FANCD2: variants seen among roughly 807,000 people sequenced by gnomAD.
The protein encoded by FANCD2 is Fanconi anemia group D2 protein.
In FANCD2, 131 loss-of-function variants were observed where a neutral mutation model predicts 192.3. The ratio of observed to expected loss-of-function variants is 0.68; its 90% CI spans 0.59 to 0.79. The LOEUF is 0.79. Among genes scored for constraint, FANCD2 ranks in the 30% least tolerant of loss-of-function variants. FANCD2 has a pLI of 0.00. For synonymous variants in FANCD2, 524 were observed against 612.5 expected (o/e 0.86, Z 2.13); for missense variants, 1,508 against 1,701.6 (o/e 0.89, Z 2.00).
intron 18 of FANCD2, 82 bp downstream of exon 18, chr3:10,052,579 C>T (rs1004535512): frequency 3.6e-5 from 33 of 927,118 alleles, no homozygotes; most frequent in Non-Finnish European, 5.4e-5. Flanking sequence ...GTGCAGTTGG[C>T]ACGATCTCAG....
At chr3:10,093,116 G>A (rs1239580866) in intron 38 of FANCD2, among the ~76,000 whole-genome samples, 169 bp from the exon 39 acceptor site, 1 of 152,196 alleles carries the variant, frequency 6.6e-6, no homozygotes, top group Non-Finnish European at 1.5e-5. Flanking sequence ...TTGAACTTCA[G>A]TTGTGATAAT....
At chr3:10,031,243 C>T (rs1017160194) in intron 2 of FANCD2, among the ~76,000 whole-genome samples, 2 of 152,112 alleles carry the variant, frequency 1.3e-5, no homozygotes, top group Non-Finnish European at 2.9e-5. Flanking sequence ...GTGGCTCACG[C>T]CTGTAATCCC....
intron 9 of FANCD2, chr3:10,040,117 C>G: frequency 2.3e-6 from 1 of 437,972 alleles, no homozygotes; most frequent in East Asian, 4.0e-5. Context: ...TCACTGCAAC[C>G]TCCGCCTCCT....
At chr3:10,079,928 T>G (rs917224088) in intron 30 of FANCD2, among the ~76,000 whole-genome samples, 1 of 152,056 alleles carries the variant, frequency 6.6e-6, no homozygotes, top group Admixed American at 6.6e-5. Flanking sequence ...CTTCTTTTTT[T>G]TTTTTGAGGC....
chr3:10,069,569 C>G lies in FANCD2; in HGVS notation c.2494+2252C>G, dbSNP rs1318960526. Among the ~76,000 whole-genome samples the G allele has an allele frequency of 2.0e-5, 3 of 149,368 alleles. No homozygotes were observed. The East Asian group carries it at 6.2e-4, about 31-fold the overall frequency. ...CTCACTGCAACCTCCCTGCCTGATT[C>G]TCCTGCCTCAGCCTGCCGAGTGCCT... is the stretch of plus-strand genomic sequence containing the variant. On this transcript the variant is annotated intron_variant, in intron 26 of 43. Transcript: ENST00000675286.
In FANCD2 at chr3:10,040,257, C is replaced by T. The variant is rs557425572; in HGVS notation, c.695+412C>T. 1.6e-3 allele frequency: 529 copies of T among 324,796 alleles called. 7 individuals carry two copies. Among genetic ancestry groups the T allele is most frequent in the South Asian group, 0.013 (502 of 38,882 alleles). The allele number at this position is 324,796 out of a possible 1,614,324, so 20.1% of individuals were successfully genotyped here. Reference sequence around the variant, plus strand: ...TTCACCATGTTAGCCAGGATGGTCTCGATCTCCTGACCTTGTGATCCGCCC... The same window carrying T: ...TTCACCATGTTAGCCAGGATGGTCTTGATCTCCTGACCTTGTGATCCGCCC... On this transcript the variant is annotated intron_variant, in intron 9 of 43. Transcript: ENST00000675286.
At position 10,063,826 on chromosome 3, in the gene FANCD2, G is replaced by A. The variant is rs946210986; in HGVS notation, c.1862G>A (p.Ser621Asn). 3 of 1,614,176 alleles carry A rather than the reference G, an allele frequency of 1.9e-6. No individual in the cohort carries two copies. The highest frequency in any genetic ancestry group is 4.5e-5 in the East Asian group (2 of 44,890). ...TTGTTGCAGTTGGTTCATTCCTGCA[G>A]TGAGCAGTCTCCTCAGGCCTCTGCA... Reference protein sequence around the residue: ...TSLLQLVHSCSEQSPQASALY... With the variant: ...TSLLQLVHSCNEQSPQASALY... The change falls in exon 21 of 44, where the codon AGT becomes AAT. Residue 621 changes from serine (S) to asparagine (N), a missense_variant. Coordinates refer to ENST00000675286, the MANE Select transcript of FANCD2 (RefSeq NM_001018115.3).
At position 10,088,837 on chromosome 3, in the gene FANCD2, G is replaced by A; in HGVS notation, c.3570G>A (p.Leu1190=). 1 of 1,614,052 alleles carries A rather than the reference G, an allele frequency of 6.2e-7. No homozygotes were observed. The highest frequency in any genetic ancestry group is 8.5e-7 in the Non-Finnish European group (1 of 1,179,954). ...TTGACTCTCAATGCAGTATCTACCT[G>A]GAGCACACAGAGAGCATTCTGAAGG... The part of the protein sequence containing the change: ...DQLHALLCIY[L]EHTESILKAI... Residue 1190 remains leucine, a synonymous_variant, in exon 36 of 44, where the codon CTG becomes CTA. Transcript: ENST00000675286.
rs1694964979 is a variant in FANCD2 at position 10,096,374 on chromosome 3, A to T, written c.4087A>T (p.Thr1363Ser). 2 of 1,614,124 alleles carry T rather than the reference A, an allele frequency of 1.2e-6. No homozygotes were observed. The highest frequency in any genetic ancestry group is 3.3e-5 in the Admixed American group (2 of 60,024). ...LTQHVPLLKK[T>S]LELLVCRVKA... ...CCAACATGTGCCTCTGCTCAAAAAG[A>T]CCCTGGAACTTTTAGTTTGCAGAGT... Residue 1363 changes from threonine to serine, a missense_variant, in exon 42 of 44, where the codon ACC becomes TCC. This residue lies in a region of FANCD2 where 796 missense variants were observed against 879.4 expected (regional missense o/e 0.91). Transcript: ENST00000675286.
rs751263095 is a variant in FANCD2, at chr3:10,028,770, G to C, written c.64+49G>C. 15 of 1,460,122 alleles carry C rather than the reference G, an allele frequency of 1.0e-5. No homozygotes were observed. The East Asian group carries it at 3.4e-4, about 33-fold the overall frequency. 90.4% of individuals were successfully genotyped at this position (1,460,122 alleles called of 1,614,324 possible). A position where few individuals can be genotyped will look rare whatever the true frequency, so the allele number is the denominator to read the frequency against. Reference sequence around the variant, plus strand: ...TTTATTTCCTGTAGCAATGTGTGAGGCATGTGAGAGATATAAAGTTCCTGC... The same window carrying C: ...TTTATTTCCTGTAGCAATGTGTGAGCCATGTGAGAGATATAAAGTTCCTGC... On this transcript the variant is annotated intron_variant, in intron 2 of 43. Coordinates refer to ENST00000675286, the MANE Select transcript of FANCD2 (RefSeq NM_001018115.3).
chr3:10,101,222 A>C lies in FANCD2; in HGVS notation c.4316A>C (p.Lys1439Thr). The C allele has an allele frequency of 3.1e-6, 5 of 1,613,518 alleles. No individual in the cohort carries two copies. The highest frequency in any genetic ancestry group is 4.2e-6 in the Non-Finnish European group (5 of 1,179,518). The change falls in exon 44 of 44, where the codon AAG becomes ACG. Residue 1439 changes from lysine to threonine, a missense_variant. Coordinates refer to ENST00000675286, the MANE Select transcript of FANCD2 (RefSeq NM_001018115.3). ...GEEDEVSAGE[K>T]EQDSDESYDD... ...GAAGACGAAGTAAGTGCTGGAGAAA[A>C]GGAGCAAGATAGTGATGAGAGTTAT...
chr3:10,040,220 T>C, intron 9 of FANCD2: 1 of 326,026 alleles, frequency 3.1e-6, no homozygotes, highest in Non-Finnish European at 5.9e-6. Flanking sequence ...GTATTTTTAG[T>C]AGAGACGGGG....
chr3:10,053,368 G>T (rs1336117076), intron 18 of FANCD2, among the ~76,000 whole-genome samples: 1 of 150,482 alleles, frequency 6.6e-6, no homozygotes, highest in Non-Finnish European at 1.5e-5. Context: ...TCACACTCTG[G>T]GGACTTTGTG....
chr3:10,041,006 C>A (rs2086850889), intron 9 of FANCD2: 1 of 164,526 alleles, frequency 6.1e-6, no homozygotes, highest in Non-Finnish European at 1.3e-5. Flanking sequence ...CCAGCCTGGA[C>A]AACATGGTGA....
intron 10 of FANCD2, 102 bp from the exon 11 acceptor site, chr3:10,042,457 G>A: frequency 1.0e-6 from 1 of 964,050 alleles, no homozygotes; most frequent in South Asian, 1.3e-5. Context: ...TGGGAAGATG[G>A]AGTAAGAGAA....
At chr3:10,053,635 C>G (rs1032492430) in intron 18 of FANCD2, among the ~76,000 whole-genome samples, 1 of 148,946 alleles carries the variant, frequency 6.7e-6, no homozygotes, top group African/African-American at 2.5e-5. Context: ...AAAAAAAAAA[C>G]AAGCAAATGA....
chr3:10,031,807 C>G (rs1023788822), intron 2 of FANCD2, among the ~76,000 whole-genome samples: 1 of 152,072 alleles, frequency 6.6e-6, no homozygotes, highest in African/African-American at 2.4e-5. Flanking sequence ...GTCCCATTCC[C>G]AAGATTTTGA....
chr3:10,094,151 T>G, intron 39 of FANCD2, 138 bp from the exon 40 acceptor site: 1 of 701,494 alleles, frequency 1.4e-6, no homozygotes, highest in Non-Finnish European at 2.5e-6. Context: ...CAAATAAACC[T>G]TTTGGACCCT....
Position 10,081,944 on chromosome 3 carries a change from C to A in FANCD2, c.3224+480C>A, listed in dbSNP as rs138849770. ...GGTGTGCCCCTTAAATACTTTTGTT[C>A]CTCAGGGACAGGCGTTGGGCTCTCT... is the stretch of plus-strand genomic sequence containing the variant. On this transcript the variant is annotated intron_variant, in intron 32 of 43. Coordinates refer to ENST00000675286, the MANE Select transcript of FANCD2 (RefSeq NM_001018115.3). 3.6e-3 allele frequency among the ~76,000 whole-genome samples: 549 copies of A among 152,268 alleles called. 3 individuals are homozygous for A. The highest frequency in any genetic ancestry group is 0.013 in the African/African-American group (527 of 41,548).
Sources: allele counts gnomAD v4.1 joint callset (sites outside exome capture counted in the v4.1 genomes callset), GRCh38; gene constraint gnomAD v4.1.1; regional missense constraint gnomAD v4.1.1; transcripts MANE v1.5; gene names NCBI Gene and HGNC (gene_info 2026-07-23, HGNC 2026-07-21).